Variants in RMST observed in about 807,000 individuals in gnomAD.
RMST encodes the protein rhabdomyosarcoma 2 associated transcript, also known as long intergenic non-protein coding RNA 54.
chr12:97,538,610 C>T (rs974491035), intron 11 of RMST, among the ~76,000 whole-genome samples: 1 of 151,348 alleles, frequency 6.6e-6, no homozygotes, highest in African/African-American at 2.4e-5. Flanking sequence ...CTTTACTCAA[C>T]CTTAAGAGTT....
At chr12:97,531,022 T>C (rs1299795788) in intron 11 of RMST, among the ~76,000 whole-genome samples, 2 of 132,432 alleles carry the variant, frequency 1.5e-5, no homozygotes, top group Admixed American at 7.8e-5. Context: ...TTTTTTTTTT[T>C]CCTAAATCTG....
chr12:97,562,956 G>C (rs924106107), intron 13 of RMST, among the ~76,000 whole-genome samples: 2 of 152,166 alleles, frequency 1.3e-5, no homozygotes, highest in African/African-American at 4.8e-5. Flanking sequence ...AGTCTGGAAT[G>C]CTGTTTCGGG....
At chr12:97,468,872 G>A (rs1003304443) in intron 5 of RMST, among the ~76,000 whole-genome samples, 1 of 151,838 alleles carries the variant, frequency 6.6e-6, no homozygotes, top group Admixed American at 6.6e-5. Flanking sequence ...TCAAATGTTG[G>A]TTCAGTGCCT....
intron 11 of RMST, among the ~76,000 whole-genome samples, chr12:97,545,128 G>GCT (rs1308125454): frequency 6.6e-6 from 1 of 151,924 alleles, no homozygotes; most frequent in Non-Finnish European, 1.5e-5. Flanking sequence ...TGCACTTCAG[G>GCT]CTCTCTCTAG....
At chr12:97,537,745 A>G (rs890204609) in intron 11 of RMST, among the ~76,000 whole-genome samples, 5 of 151,460 alleles carry the variant, frequency 3.3e-5, no homozygotes, top group Non-Finnish European at 7.4e-5. Context: ...GAGAGCCTGG[A>G]TGTGTCAGGG....
At chr12:97,528,181 C>A (rs950964394) in intron 10 of RMST, among the ~76,000 whole-genome samples, 1 of 152,074 alleles carries the variant, frequency 6.6e-6, no homozygotes, top group African/African-American at 2.4e-5. Flanking sequence ...CTTTCTAATT[C>A]TACAAAACAT....
At chr12:97,490,636 C>A (rs944071106) in intron 5 of RMST, among the ~76,000 whole-genome samples, 1 of 152,098 alleles carries the variant, frequency 6.6e-6, no homozygotes, top group Non-Finnish European at 1.5e-5. Flanking sequence ...ATATGTTTGG[C>A]AACAATTTTA....
At position 97,510,520 on chromosome 12, in the gene RMST, T is replaced by C. The variant is rs2136510407; in HGVS notation, n.1340+14464T>C. On this transcript the variant is annotated intron_variant and non_coding_transcript_variant, in intron 10 of 13. Coordinates refer to ENST00000640149, the Ensembl canonical transcript of RMST. ...TAAATTTTCATGATAGTTTAAAAAA[T>C]TGGTACAGTGTGTGTTCATAATGCT... Among the ~76,000 whole-genome samples the C allele has an allele frequency of 1.3e-5, 2 of 152,332 alleles. 1 individual carries two copies. Among genetic ancestry groups the C allele is most frequent in the South Asian group, 4.1e-4 (2 of 4,828 alleles).
At chr12:97,557,208 G>T (rs1037527548) in intron 11 of RMST, among the ~76,000 whole-genome samples, 3 of 152,152 alleles carry the variant, frequency 2.0e-5, no homozygotes, top group Non-Finnish European at 4.4e-5. Flanking sequence ...TTGCAAATCA[G>T]ATTTACTTGA....
intron 5 of RMST, among the ~76,000 whole-genome samples, chr12:97,481,124 A>G (rs1042736046): frequency 3.6e-4 from 55 of 152,308 alleles, no homozygotes; most frequent in African/African-American, 1.3e-3. Flanking sequence ...GAAGTTGTTC[A>G]TGTAAGGATG....
intron 10 of RMST, among the ~76,000 whole-genome samples, chr12:97,518,831 G>GT (rs1377060965): frequency 9.2e-5 from 14 of 152,054 alleles, no homozygotes; most frequent in African/African-American, 2.7e-4. Context: ...GAGTGCAGTG[G>GT]TGCAATCATG....
At chr12:97,556,937 T>G (rs1008432439) in intron 11 of RMST, among the ~76,000 whole-genome samples, 42 of 152,206 alleles carry the variant, frequency 2.8e-4, no homozygotes, top group Admixed American at 2.7e-3. Context: ...CACTGTATTT[T>G]TTTTTCCTGA....
intron 11 of RMST, among the ~76,000 whole-genome samples, chr12:97,556,485 G>A (rs911550741): frequency 6.6e-5 from 10 of 152,158 alleles, no homozygotes; most frequent in South Asian, 2.1e-4. Context: ...AGGAAGCCTT[G>A]ACAAGAAATT....
intron 11 of RMST, among the ~76,000 whole-genome samples, chr12:97,558,298 T>C (rs772995879): frequency 6.6e-6 from 1 of 152,200 alleles, no homozygotes; most frequent in Non-Finnish European, 1.5e-5. Context: ...CTAAGAGTTC[T>C]GGCCGATGGC....
intron 10 of RMST, among the ~76,000 whole-genome samples, chr12:97,508,362 GA>G (rs1387496400): frequency 1.3e-5 from 2 of 152,152 alleles, no homozygotes; most frequent in African/African-American, 4.8e-5. Context: ...GCTGTGGAGA[GA>G]AAAATGTATA....
At chr12:97,504,383 G>A (rs1376903642) in intron 10 of RMST, among the ~76,000 whole-genome samples, 5 of 137,096 alleles carry the variant, frequency 3.6e-5, no homozygotes, top group African/African-American at 8.3e-5. Context: ...CAACCTGGGC[G>A]ACAGAGTGAG....
intron 5 of RMST, among the ~76,000 whole-genome samples, chr12:97,470,202 G>A (rs1444131880): frequency 2.0e-5 from 3 of 152,070 alleles, no homozygotes; most frequent in Non-Finnish European, 2.9e-5. Context: ...CCTGACAGTT[G>A]CAACAACTAA....
At chr12:97,504,193 C>T (rs1166632281) in intron 10 of RMST, among the ~76,000 whole-genome samples, 1 of 152,072 alleles carries the variant, frequency 6.6e-6, no homozygotes, top group Non-Finnish European at 1.5e-5. Flanking sequence ...CACTTGAGGT[C>T]AGGAGTTGGA....
chr12:97,496,236 A>C (rs1284435043), intron 10 of RMST, among the ~76,000 whole-genome samples: 1 of 152,100 alleles, frequency 6.6e-6, no homozygotes, highest in Non-Finnish European at 1.5e-5. Context: ...TTTGAGGATT[A>C]ACTATGGTGG....
Sources: gnomAD v4.1 joint callset for allele counts (sites outside exome capture counted in the v4.1 genomes callset) on GRCh38, gnomAD v4.1.1 for gene constraint, MANE v1.5 for transcripts, NCBI Gene and HGNC (gene_info 2026-07-23, HGNC 2026-07-21) for gene names.